SYTL3: variants seen among roughly 807,000 people sequenced by gnomAD.
SYTL3 encodes synaptotagmin like 3.
Under a neutral mutation model 82.1 loss-of-function variants are expected in SYTL3, and 88 were observed. The ratio of observed to expected loss-of-function variants is 1.07; its 90% CI spans 0.90 to 1.28. The LOEUF is 1.28. Among genes scored for constraint, SYTL3 ranks in the 50% most tolerant of loss-of-function variants. The pLI is 0.00. For missense variants in SYTL3, 831 were observed against 757.6 expected (o/e 1.10, Z -1.14); for synonymous variants, 311 against 289.4 (o/e 1.07, Z -0.76).
chr6:158,685,274 C>A (rs1779174418), intron 6 of SYTL3, among the ~76,000 whole-genome samples: 1 of 149,622 alleles, frequency 6.7e-6, no homozygotes, highest in Non-Finnish European at 1.5e-5. Context: ...AGTGCAGTAG[C>A]ATGATCTCAG....
At chr6:158,758,454 C>T (rs1026863181) in intron 14 of SYTL3, among the ~76,000 whole-genome samples, 2 of 151,484 alleles carry the variant, frequency 1.3e-5, no homozygotes, top group African/African-American at 4.9e-5. Flanking sequence ...AAAAAAAAAC[C>T]CAGCGGGATG....
chr6:158,675,418 A>G (rs995115639), intron 5 of SYTL3, among the ~76,000 whole-genome samples: 1 of 152,244 alleles, frequency 6.6e-6, no homozygotes, highest in East Asian at 1.9e-4. Context: ...CACAATGATC[A>G]GTCTTTTTTT....
At chr6:158,703,812 A>ATATTATTATTATTATTATTAT (rs531980948) in intron 6 of SYTL3, among the ~76,000 whole-genome samples, 13 of 122,642 alleles carry the variant, frequency 1.1e-4, no homozygotes, top group African/African-American at 2.9e-4. Context: ...AGTGGGTTTT[A>ATATTATTATTATTATTATTAT]TATTATTATC....
At position 158,663,478 on chromosome 6, in the gene SYTL3, C is replaced by T. The variant is rs1397195583; in HGVS notation, c.110+100C>T. On this transcript the variant is annotated intron_variant, in intron 4 of 17. Transcript: ENST00000611299. ...TGCTGTTTGCTTACAAATCACTACC[C>T]ACCTGCTGCTGGGCTTCGTGCCTGA... is the stretch of plus-strand genomic sequence containing the variant. 12 of 1,520,660 alleles carry T rather than the reference C, an allele frequency of 7.9e-6. No individual in the cohort carries two copies. In the East Asian group the frequency reaches 3.0e-4, roughly 37 times the overall value. 94.2% of individuals were successfully genotyped at this position (1,520,660 alleles called of 1,614,324 possible).
chr6:158,742,489 A>G (rs1440841122), intron 11 of SYTL3, among the ~76,000 whole-genome samples: 1 of 151,836 alleles, frequency 6.6e-6, no homozygotes, highest in East Asian at 1.9e-4. Flanking sequence ...GAAGGTCTGG[A>G]TATTTACCAA....
intron 10 of SYTL3, among the ~76,000 whole-genome samples, chr6:158,721,200 G>A (rs1784073021): frequency 1.3e-5 from 2 of 152,116 alleles, no homozygotes; most frequent in African/African-American, 4.8e-5. Flanking sequence ...CCTTAATTGA[G>A]GTTGTGGCTG....
chr6:158,693,855 C>CTTTTTTTTTTTTTTTTTTTTTTTTTT (rs575358067), intron 6 of SYTL3, among the ~76,000 whole-genome samples: 1 of 96,866 alleles, frequency 1.0e-5, no homozygotes, highest in African/African-American at 5.4e-5. Flanking sequence ...TTTTTCTTTT[C>CTTTTTTTTTTTTTTTTTTTTTTTTTT]TTTTTTTTTT....
intron 6 of SYTL3, among the ~76,000 whole-genome samples, chr6:158,684,097 A>G (rs749348210): frequency 1.1e-4 from 16 of 152,218 alleles, no homozygotes; most frequent in Admixed American, 1.3e-4. Context: ...GTTTACGGAA[A>G]TACCCGTAAT....
At chr6:158,746,096 G>A (rs1224208157) in intron 12 of SYTL3, among the ~76,000 whole-genome samples, 9 of 152,052 alleles carry the variant, frequency 5.9e-5, no homozygotes, top group Non-Finnish European at 1.0e-4. Context: ...GTCCTCCCAT[G>A]GTAGAAGGGA....
At chr6:158,716,548 G>C (rs1783454585) in intron 9 of SYTL3, among the ~76,000 whole-genome samples, 1 of 152,196 alleles carries the variant, frequency 6.6e-6, no homozygotes, top group Admixed American at 6.5e-5. Flanking sequence ...AGATCCCCCA[G>C]TGTTTCTTGA....
intron 8 of SYTL3, among the ~76,000 whole-genome samples, chr6:158,709,239 A>G (rs1782484862): frequency 6.6e-6 from 1 of 152,124 alleles, no homozygotes; most frequent in Non-Finnish European, 1.5e-5. Context: ...AAAAAAAATA[A>G]ATTGTATTTA....
At chr6:158,680,220 C>T (rs1487001517) in intron 5 of SYTL3, among the ~76,000 whole-genome samples, 5 of 152,178 alleles carry the variant, frequency 3.3e-5, no homozygotes, top group Admixed American at 2.0e-4. Context: ...ATGACTCCCT[C>T]TGGACTTGCC....
chr6:158,681,530 T>C (rs1778695973), intron 5 of SYTL3, among the ~76,000 whole-genome samples: 1 of 152,006 alleles, frequency 6.6e-6, no homozygotes, highest in Non-Finnish European at 1.5e-5. Flanking sequence ...ATACAAAAAT[T>C]AGCCGGGTGT....
At chr6:158,763,089 C>T (rs1194354592) in intron 16 of SYTL3, among the ~76,000 whole-genome samples, 4 of 152,334 alleles carry the variant, frequency 2.6e-5, no homozygotes, top group South Asian at 2.1e-4. Flanking sequence ...GCCACGAGGC[C>T]TCAGCATGCA....
chr6:158,760,788 C>T, intron 15 of SYTL3, 43 bp downstream of exon 15: 1 of 1,497,034 alleles, frequency 6.7e-7, no homozygotes, highest in East Asian at 2.3e-5. Flanking sequence ...GTGTCATTGT[C>T]TGCAGAGCCT....
chr6:158,733,350 A>G (rs7753252), intron 11 of SYTL3, among the ~76,000 whole-genome samples: 96,742 of 151,916 alleles, frequency 0.64, 33,012 homozygotes, highest in African/African-American at 0.87. Context: ...TTTTTGAGAT[A>G]GAGTCTTGCT....
At chr6:158,663,486 G>T in intron 4 of SYTL3, 108 bp downstream of exon 4, 1 of 1,502,892 alleles carries the variant, frequency 6.7e-7, no homozygotes, top group South Asian at 1.3e-5. Flanking sequence ...CCCACCTGCT[G>T]CTGGGCTTCG....
Position 158,663,011 on chromosome 6 carries a change from C to A in SYTL3, c.-258C>A, listed in dbSNP as rs974804443. ...GCTGCTGCAGAACCCGGTGAAAACA[C>A]CCCCCGGGTAGCACGAGGCTCTGCG... On this transcript the variant is annotated 5_prime_UTR_variant, in exon 4 of 18. Coordinates refer to ENST00000611299, the MANE Select transcript of SYTL3 (RefSeq NM_001242394.2). 8.4e-6 allele frequency: 3 copies of A among 358,836 alleles called. No individual in the cohort carries two copies. The highest frequency in any genetic ancestry group is 1.5e-5 in the Non-Finnish European group (3 of 197,140). 22.2% of individuals were successfully genotyped at this position (358,836 alleles called of 1,614,324 possible). A position where few individuals can be genotyped will look rare whatever the true frequency, so the allele number is the denominator to read the frequency against.
chr6:158,723,410 G>T (rs1784362026), intron 10 of SYTL3, among the ~76,000 whole-genome samples: 3 of 152,080 alleles, frequency 2.0e-5, no homozygotes, highest in Non-Finnish European at 4.4e-5. Flanking sequence ...AGTTCATGCT[G>T]CCAAGTTGCC....
Sources: gnomAD v4.1 joint callset for allele counts (sites outside exome capture counted in the v4.1 genomes callset) on GRCh38, gnomAD v4.1.1 for gene constraint, MANE v1.5 for transcripts, NCBI Gene and HGNC (gene_info 2026-07-23, HGNC 2026-07-21) for gene names.